The following NDFIP2 variants were observed in gnomAD, a reference collection of about 807,000 sequenced individuals.
NDFIP2 encodes NEDD4 family-interacting protein 2.
In NDFIP2, 19 loss-of-function variants were observed where a neutral mutation model predicts 36.0. The ratio of observed to expected loss-of-function variants is 0.53; its 90% confidence interval spans 0.37 to 0.77. The LOEUF is 0.77. NDFIP2 is among the 30% of genes least tolerant of loss of function. NDFIP2 has a pLI of 0.00. For synonymous variants in NDFIP2, 181 were observed against 167.7 expected (o/e 1.08, Z -0.61); for missense variants, 446 against 435.8 (o/e 1.02, Z -0.21).
chr13:79,483,724 A>G (rs1444007955), intron 1 of NDFIP2, among the ~76,000 whole-genome samples: 1 of 152,220 alleles, frequency 6.6e-6, no homozygotes, highest in African/African-American at 2.4e-5. Flanking sequence ...CCATTAGCCA[A>G]TGCACAAGCT....
chr13:79,532,684 T>C (rs1310235100), intron 2 of NDFIP2, among the ~76,000 whole-genome samples: 3 of 152,212 alleles, frequency 2.0e-5, no homozygotes, highest in Non-Finnish European at 2.9e-5. Flanking sequence ...TTCAATCTTT[T>C]AGCAAAGGGA....
chr13:79,486,220 G>T (rs1355971149), intron 1 of NDFIP2, among the ~76,000 whole-genome samples: 1 of 152,156 alleles, frequency 6.6e-6, no homozygotes, highest in African/African-American at 2.4e-5. Context: ...TACTCAACCT[G>T]TATAAATTTT....
intron 4 of NDFIP2, among the ~76,000 whole-genome samples, chr13:79,541,659 T>G (rs747885882): frequency 2.0e-5 from 3 of 152,102 alleles, no homozygotes; most frequent in Non-Finnish European, 2.9e-5. Flanking sequence ...AATTGCAACT[T>G]GCTATATTTT....
chr13:79,521,895 G>A (rs987903417), intron 2 of NDFIP2, among the ~76,000 whole-genome samples: 5 of 150,456 alleles, frequency 3.3e-5, no homozygotes, highest in Non-Finnish European at 7.4e-5. Flanking sequence ...CCCAATCTCG[G>A]CTCACTGCAA....
At chr13:79,505,631 A>G (rs1873834371) in intron 1 of NDFIP2, among the ~76,000 whole-genome samples, 1 of 151,356 alleles carries the variant, frequency 6.6e-6, no homozygotes, top group African/African-American at 2.4e-5. Flanking sequence ...CTTGCCTTAA[A>G]AAAAAAAAAA....
At chr13:79,496,744 T>C (rs1396300702) in intron 1 of NDFIP2, among the ~76,000 whole-genome samples, 1 of 152,052 alleles carries the variant, frequency 6.6e-6, no homozygotes, top group Non-Finnish European at 1.5e-5. Context: ...TCTTTTTTCT[T>C]TTCTGCTTTT....
intron 1 of NDFIP2, among the ~76,000 whole-genome samples, chr13:79,483,713 A>G (rs895240801): frequency 6.6e-6 from 1 of 152,210 alleles, no homozygotes; most frequent in Non-Finnish European, 1.5e-5. Flanking sequence ...AGGACTTACT[A>G]CCATTAGCCA....
In NDFIP2 at chr13:79,539,686, A is replaced by G; in HGVS notation, c.626A>G (p.Gln209Arg). The change falls in exon 4 of 8, where the codon CAG becomes CGG. Residue 209 changes from glutamine (Q) to arginine (R), a missense_variant. This residue lies in a region of NDFIP2 where 369 missense variants were observed against 304.8 expected (regional missense o/e 1.21). Transcript: ENST00000218652. ...TCCAATGTTACATATTTACAGATTC[A>G]GGAGGAAGAGTGTCCACCAAGAGAT... ...AAAAETSQRIQEEECPPRDDF... is the reference protein window; with the variant it reads ...AAAAETSQRIREEECPPRDDF... 1 of 1,612,620 alleles carries G rather than the reference A, an allele frequency of 6.2e-7. No homozygotes were observed. Among genetic ancestry groups the G allele is most frequent in the African/African-American group, 1.3e-5 (1 of 75,010 alleles).
In NDFIP2 at chr13:79,554,715, C is replaced by G. The variant is rs1334352886; in HGVS notation, c.*2202C>G. On this transcript the variant is annotated 3_prime_UTR_variant, in exon 8 of 8. Coordinates refer to ENST00000218652, the MANE Select transcript of NDFIP2 (RefSeq NM_019080.3). ...ATACTTCATTTCCTGTGAGCTTGAA[C>G]AGCTGCTGTTGTGTTTTGGGGATGC... The G allele has an allele frequency of 6.6e-6, 1 of 151,856 alleles. No homozygotes were observed. Among genetic ancestry groups the G allele is most frequent in the African/African-American group, 2.4e-5 (1 of 41,416 alleles). The allele number at this position is 151,856 out of a possible 1,614,324, so 9.4% of individuals were successfully genotyped here.
intron 2 of NDFIP2, among the ~76,000 whole-genome samples, chr13:79,527,385 G>A (rs773062015): frequency 3.9e-5 from 6 of 152,100 alleles, no homozygotes; most frequent in South Asian, 2.1e-4. Context: ...ACATTTCCAC[G>A]TAAAGGAAAT....
intron 7 of NDFIP2, 63 bp from the exon 8 acceptor site, chr13:79,552,453 A>G (rs1875944116): frequency 6.6e-6 from 1 of 151,912 alleles, no homozygotes; most frequent in Non-Finnish European, 1.5e-5. Context: ...GTGTTGTATT[A>G]TACTATGATT....
intron 7 of NDFIP2, among the ~76,000 whole-genome samples, chr13:79,551,854 A>G (rs1310780587): frequency 1.3e-5 from 2 of 151,386 alleles, no homozygotes; most frequent in African/African-American, 4.8e-5. Flanking sequence ...AGTACCATGT[A>G]CTTTATACCT....
chr13:79,492,408 G>A (rs1424215058), intron 1 of NDFIP2, among the ~76,000 whole-genome samples: 2 of 152,032 alleles, frequency 1.3e-5, no homozygotes, highest in East Asian at 1.9e-4. Flanking sequence ...ACACTTGAGA[G>A]TTTTGTTTTT....
At chr13:79,496,092 T>A (rs537724427) in intron 1 of NDFIP2, among the ~76,000 whole-genome samples, 13 of 151,978 alleles carry the variant, frequency 8.6e-5, no homozygotes, top group South Asian at 4.1e-4. Flanking sequence ...AGAGAAAAAA[T>A]TAATCTTTTA....
rs1057372471 is a variant in NDFIP2 at position 79,552,926 on chromosome 13, A to G, written c.*413A>G. 3 of 151,866 alleles carry G rather than the reference A, an allele frequency of 2.0e-5. No homozygotes were observed. The highest frequency in any genetic ancestry group is 3.0e-5 in the Non-Finnish European group (2 of 67,454). 9.4% of individuals were successfully genotyped at this position (151,866 alleles called of 1,614,324 possible). ...AAAAATGAAATTCTTAACCATGTCAAATGATTTAGTTTCTGGCTCTTAGAC... is the reference window on the plus strand; with the variant it reads ...AAAAATGAAATTCTTAACCATGTCAGATGATTTAGTTTCTGGCTCTTAGAC... On this transcript the variant is annotated 3_prime_UTR_variant, in exon 8 of 8. Coordinates refer to ENST00000218652, the MANE Select transcript of NDFIP2 (RefSeq NM_019080.3).
chr13:79,548,744 T>G (rs1448158019), intron 6 of NDFIP2, among the ~76,000 whole-genome samples: 1 of 152,026 alleles, frequency 6.6e-6, no homozygotes, highest in Non-Finnish European at 1.5e-5. Context: ...ATAGTTTGGT[T>G]GTTCTATCTG....
At chr13:79,508,129 G>A (rs1873941036) in intron 1 of NDFIP2, among the ~76,000 whole-genome samples, 1 of 152,128 alleles carries the variant, frequency 6.6e-6, no homozygotes, top group African/African-American at 2.4e-5. Context: ...TAAATCATGG[G>A]ATAATAGTTA....
rs546026492 is a variant in NDFIP2, at chr13:79,500,538, G to A, written c.321+19014G>A. On this transcript the variant is annotated intron_variant, in intron 1 of 7. Transcript: ENST00000218652. ...AAACCTTAAGAGACACCTCACCACC[G>A]AAGATATACAGATGGCAAGTAAGCA... is the stretch of plus-strand genomic sequence containing the variant. Among the ~76,000 whole-genome samples the A allele has an allele frequency of 5.3e-5, 8 of 151,972 alleles. No homozygotes were observed. In the East Asian group the frequency reaches 7.7e-4, roughly 15 times the overall value.
At chr13:79,489,615 C>T (rs1409891868) in intron 1 of NDFIP2, among the ~76,000 whole-genome samples, 2 of 152,150 alleles carry the variant, frequency 1.3e-5, no homozygotes, top group Admixed American at 1.3e-4. Flanking sequence ...CAGGTAACTC[C>T]ATCCACTCTT....
Sources: gnomAD v4.1 joint callset for allele counts (sites outside exome capture counted in the v4.1 genomes callset) on GRCh38, gnomAD v4.1.1 for gene constraint, gnomAD v4.1.1 regional missense constraint, MANE v1.5 for transcripts, NCBI Gene and HGNC (gene_info 2026-07-23, HGNC 2026-07-21) for gene names.